The following GALNT10 variants were observed in gnomAD, a reference collection of about 807,000 sequenced individuals.
GALNT10 encodes GalNAc transferase 10.
Under a neutral mutation model 75.0 loss-of-function variants are expected in GALNT10, and 41 were observed. The ratio of observed to expected loss-of-function variants is 0.55; its 90% CI spans 0.43 to 0.71. GALNT10 has a LOEUF of 0.71. GALNT10 is among the 30% of genes least tolerant of loss of function. The pLI, the probability that GALNT10 is intolerant of heterozygous loss-of-function variation, is 0.00. For synonymous variants in GALNT10, 302 were observed against 313.0 expected, an observed-to-expected ratio of 0.96 and a Z score of 0.37; for missense variants, 727 against 818.5, an observed-to-expected ratio of 0.89 and a Z score of 1.36.
rs889074564 is a variant in GALNT10 at position 154,190,748 on chromosome 5, C to G, written c.-119C>G. 5.2e-5 allele frequency: 16 copies of G among 306,416 alleles called. No homozygotes were observed. In the East Asian group the frequency reaches 1.1e-3, roughly 20 times the overall value. The allele number at this position is 306,416 out of a possible 1,614,324, so 19.0% of individuals were successfully genotyped here. A position where few individuals can be genotyped will look rare whatever the true frequency, so the allele number is the denominator to read the frequency against. On this transcript the variant is annotated 5_prime_UTR_variant, in exon 1 of 12. Coordinates refer to ENST00000297107, the MANE Select transcript of GALNT10 (RefSeq NM_198321.4). ...AAGTGCCGCGGAGTTGGAGCGGGGC[C>G]GGCGCCGCAGCCGCTTCTGCTGGCT...
intron 1 of GALNT10, among the ~76,000 whole-genome samples, chr5:154,246,723 G>A (rs1169209860): frequency 6.6e-6 from 1 of 152,150 alleles, no homozygotes; most frequent in Non-Finnish European, 1.5e-5. Context: ...TTTGTCAGAT[G>A]AGTAGATTGC....
intron 7 of GALNT10, among the ~76,000 whole-genome samples, chr5:154,397,570 T>C (rs1219485320): frequency 6.6e-6 from 1 of 152,194 alleles, no homozygotes; most frequent in Non-Finnish European, 1.5e-5. Flanking sequence ...GGACCTCAAT[T>C]CTAATTCCAG....
intron 1 of GALNT10, among the ~76,000 whole-genome samples, chr5:154,262,534 C>T (rs752184166): frequency 7.2e-5 from 11 of 152,186 alleles, no homozygotes; most frequent in Non-Finnish European, 1.5e-4. Context: ...CCACTTGAAG[C>T]AGGTACTCAG....
At chr5:154,353,877 C>G (rs919912470) in intron 4 of GALNT10, among the ~76,000 whole-genome samples, 30 of 152,188 alleles carry the variant, frequency 2.0e-4, no homozygotes, top group African/African-American at 6.3e-4. Flanking sequence ...ACTCCCAGCT[C>G]TTATGTGGCA....
intron 1 of GALNT10, among the ~76,000 whole-genome samples, chr5:154,286,388 T>G (rs55996412): frequency 0.47 from 53,674 of 114,452 alleles, 11,337 homozygotes; most frequent in East Asian, 0.77. Context: ...TCGATTTGTT[T>G]TTTTTTTTTT....
At chr5:154,194,907 T>A (rs1774912436) in intron 1 of GALNT10, among the ~76,000 whole-genome samples, 2 of 152,236 alleles carry the variant, frequency 1.3e-5, no homozygotes, top group Admixed American at 1.3e-4. Flanking sequence ...CCTGAGGTTC[T>A]GTGAGTATGC....
At chr5:154,278,526 G>C (rs1046996776) in intron 1 of GALNT10, among the ~76,000 whole-genome samples, 30 of 152,158 alleles carry the variant, frequency 2.0e-4, no homozygotes, top group African/African-American at 6.8e-4. Flanking sequence ...TTTTTTAGAG[G>C]GGAGGAGAAG....
chr5:154,310,069 C>G (rs899496475), intron 3 of GALNT10, among the ~76,000 whole-genome samples: 1 of 152,162 alleles, frequency 6.6e-6, no homozygotes, highest in Non-Finnish European at 1.5e-5. Flanking sequence ...AACCTTCCAC[C>G]CTTTTTGTTG....
At chr5:154,331,803 C>T (rs11957777) in intron 4 of GALNT10, among the ~76,000 whole-genome samples, 32,130 of 152,090 alleles carry the variant, frequency 0.21, 3,647 homozygotes, top group African/African-American at 0.29. Flanking sequence ...TCTCAACCTC[C>T]GCCTAAAATA....
At chr5:154,340,917 A>G (rs1274009690) in intron 4 of GALNT10, among the ~76,000 whole-genome samples, 3 of 152,238 alleles carry the variant, frequency 2.0e-5, no homozygotes, top group African/African-American at 4.8e-5. Context: ...ATACACATTT[A>G]TATATCATTT....
At chr5:154,249,310 G>A (rs536543158) in intron 1 of GALNT10, among the ~76,000 whole-genome samples, 4 of 152,282 alleles carry the variant, frequency 2.6e-5, no homozygotes, top group South Asian at 4.1e-4. Flanking sequence ...ACTGGGGACC[G>A]CACTGTCCTA....
At chr5:154,368,258 C>G (rs1432078520) in intron 4 of GALNT10, among the ~76,000 whole-genome samples, 1 of 152,348 alleles carries the variant, frequency 6.6e-6, no homozygotes, top group African/African-American at 2.4e-5. Context: ...AGCATAGATC[C>G]TGGCACAGCA....
intron 1 of GALNT10, among the ~76,000 whole-genome samples, chr5:154,270,452 A>G (rs897254247): frequency 2.6e-5 from 4 of 151,960 alleles, no homozygotes; most frequent in African/African-American, 9.7e-5. Context: ...TTTACAGAAC[A>G]ATAAGAGGCA....
chr5:154,191,458 A>T (rs1317284929), intron 1 of GALNT10, among the ~76,000 whole-genome samples: 1 of 63,888 alleles, frequency 1.6e-5, no homozygotes, highest in Non-Finnish European at 2.8e-5. Flanking sequence ...CACAACCCCT[A>T]CCTGCTGATC....
At chr5:154,191,460 C>G (rs923645638) in intron 1 of GALNT10, among the ~76,000 whole-genome samples, 13 of 122,274 alleles carry the variant, frequency 1.1e-4, no homozygotes, top group Non-Finnish European at 1.3e-4. Context: ...CAACCCCTAC[C>G]TGCTGATCCC....
chr5:154,232,161 C>T (rs1753161454), intron 1 of GALNT10, among the ~76,000 whole-genome samples: 1 of 152,176 alleles, frequency 6.6e-6, no homozygotes, highest in African/African-American at 2.4e-5. Context: ...CCCCACAGGC[C>T]CACCTCTACC....
chr5:154,394,992 T>A (rs1211531015), intron 7 of GALNT10, among the ~76,000 whole-genome samples: 3 of 152,228 alleles, frequency 2.0e-5, no homozygotes, highest in Non-Finnish European at 4.4e-5. Context: ...TCATTTGAAA[T>A]TCCATGAGTG....
intron 6 of GALNT10, among the ~76,000 whole-genome samples, chr5:154,382,586 G>A (rs768484650): frequency 1.3e-5 from 2 of 152,176 alleles, no homozygotes; most frequent in South Asian, 4.1e-4. Context: ...TCAGGTCTAG[G>A]TAGAATTACC....
At chr5:154,344,519 C>G (rs1158117630) in intron 4 of GALNT10, among the ~76,000 whole-genome samples, 1 of 152,130 alleles carries the variant, frequency 6.6e-6, no homozygotes, top group African/African-American at 2.4e-5. Flanking sequence ...CAATACATTT[C>G]TAAAAAAGGT....
Sources: gnomAD v4.1 joint callset for allele counts (sites outside exome capture counted in the v4.1 genomes callset) on GRCh38, gnomAD v4.1.1 for gene constraint, MANE v1.5 for transcripts, NCBI Gene and HGNC (gene_info 2026-07-23, HGNC 2026-07-21) for gene names.